SUPT3H: variants seen among roughly 807,000 people sequenced by gnomAD.
SUPT3H encodes the protein SPT3 homolog, SAGA and STAGA complex component, also known as transcription initiation protein SPT3 homolog.
Under a neutral mutation model 44.3 loss-of-function variants are expected in SUPT3H, and 44 were observed. That is an observed-to-expected ratio of 0.99 (90% CI 0.78 to 1.28). The LOEUF is 1.28. Ranked by LOEUF, SUPT3H falls within the 50% of genes most tolerant of loss-of-function variation. SUPT3H has a pLI of 0.00. For synonymous variants in SUPT3H, 124 were observed against 125.6 expected, an observed-to-expected ratio of 0.99 and a Z score of 0.09; for missense variants, 380 against 387.1, an observed-to-expected ratio of 0.98 and a Z score of 0.15.
At chr6:45,012,320 A>T (rs1027979494) in intron 5 of SUPT3H, among the ~76,000 whole-genome samples, 1 of 151,210 alleles carries the variant, frequency 6.6e-6, no homozygotes, top group Admixed American at 6.6e-5. Context: ...GGTGCTCTAC[A>T]TTTCTCTGAA....
chr6:45,178,409 C>A (rs6915829), intron 2 of SUPT3H, among the ~76,000 whole-genome samples: 132,155 of 151,884 alleles, frequency 0.87, 57,747 homozygotes, highest in African/African-American at 0.91. Flanking sequence ...ACCCAGATTC[C>A]TAAAGCAACT....
intron 3 of SUPT3H, among the ~76,000 whole-genome samples, chr6:45,045,769 C>T (rs1248405281): frequency 2.0e-5 from 3 of 152,090 alleles, no homozygotes; most frequent in Non-Finnish European, 2.9e-5. Context: ...GATTCTTTGT[C>T]ACATTATTAC....
chr6:45,230,708 C>G (rs1220478312), intron 2 of SUPT3H, among the ~76,000 whole-genome samples: 1 of 100,924 alleles, frequency 9.9e-6, no homozygotes, highest in Admixed American at 1.0e-4. Context: ...GAGTCTTGCT[C>G]TATCACCAGG....
chr6:44,828,676 G>A lies in SUPT3H; in HGVS notation c.*1140C>T, dbSNP rs1325296910. The A allele has an allele frequency of 6.6e-6, 1 of 152,122 alleles. No homozygotes were observed. The highest frequency in any genetic ancestry group is 2.4e-5 in the African/African-American group (1 of 41,436). The allele number at this position is 152,122 out of a possible 1,614,324, so 9.4% of individuals were successfully genotyped here. On this transcript the variant is annotated 3_prime_UTR_variant, in exon 11 of 11. Transcript: ENST00000371459. ...TTAAATCTAGGAAGCAGTATCAAGA[G>A]AGGCTTGCTCTCTTGAGCAGTATCA...
intron 2 of SUPT3H, among the ~76,000 whole-genome samples, chr6:45,331,833 A>C (rs184546555): frequency 6.6e-6 from 1 of 152,124 alleles, no homozygotes; most frequent in Admixed American, 6.6e-5. Flanking sequence ...TAATTTATTC[A>C]ATTACTCTCT....
At chr6:45,029,003 A>G (rs953829320) in intron 3 of SUPT3H, among the ~76,000 whole-genome samples, 3 of 151,816 alleles carry the variant, frequency 2.0e-5, no homozygotes, top group Admixed American at 6.6e-5. Flanking sequence ...TGAGCTAAGT[A>G]AGTATTTGAA....
chr6:45,250,677 A>G (rs1385456678), intron 2 of SUPT3H, among the ~76,000 whole-genome samples: 2 of 152,154 alleles, frequency 1.3e-5, no homozygotes, highest in African/African-American at 2.4e-5. Flanking sequence ...AAAGATAACT[A>G]TATCTAGCAA....
At chr6:45,302,566 A>C in intron 2 of SUPT3H, among the ~76,000 whole-genome samples, 1 of 126,146 alleles carries the variant, frequency 7.9e-6, no homozygotes, top group African/African-American at 2.9e-5. Flanking sequence ...TGCATGCCAC[A>C]ATTTATTTAT....
chr6:45,346,626 G>C (rs1198137405), intron 2 of SUPT3H, among the ~76,000 whole-genome samples: 1 of 148,888 alleles, frequency 6.7e-6, no homozygotes, highest in Non-Finnish European at 1.5e-5. Flanking sequence ...AAAGTGCAGT[G>C]GTGCGATCTC....
intron 2 of SUPT3H, among the ~76,000 whole-genome samples, chr6:45,154,710 C>T (rs1171654048): frequency 1.3e-5 from 2 of 152,178 alleles, no homozygotes; most frequent in African/African-American, 4.8e-5. Context: ...CTCCTACATC[C>T]TGCCCTGCAC....
chr6:45,128,017 A>C (rs1169935179), intron 2 of SUPT3H, among the ~76,000 whole-genome samples: 1 of 152,116 alleles, frequency 6.6e-6, no homozygotes, highest in Admixed American at 6.6e-5. Context: ...TTCTTGACAG[A>C]CTTTTATCAT....
intron 3 of SUPT3H, among the ~76,000 whole-genome samples, chr6:45,080,014 C>A (rs1410267288): frequency 6.6e-6 from 1 of 152,062 alleles, no homozygotes. Context: ...AAGAGACAAC[C>A]CACAAAATGG....
At position 44,961,904 on chromosome 6, in the gene SUPT3H, T is replaced by G. The variant is rs1776087154; in HGVS notation, c.505-76A>C. ...ATGTTTTCACAGCTTAAACTTAGAA[T>G]TGAAGTACCATTTTCCTTTCCTTAT... On this transcript the variant is annotated intron_variant, in intron 6 of 10. Coordinates refer to ENST00000371459, the MANE Select transcript of SUPT3H (RefSeq NM_003599.4). 3 of 1,127,422 alleles carry G rather than the reference T, an allele frequency of 2.7e-6. No homozygotes were observed. In the South Asian group the frequency reaches 4.3e-5, roughly 16 times the overall value. 69.8% of individuals were successfully genotyped at this position (1,127,422 alleles called of 1,614,324 possible). A position where few individuals can be genotyped will look rare whatever the true frequency, so the allele number is the denominator to read the frequency against.
chr6:45,160,824 A>G (rs535397747), intron 2 of SUPT3H, among the ~76,000 whole-genome samples: 1 of 152,262 alleles, frequency 6.6e-6, no homozygotes, highest in South Asian at 2.1e-4. Context: ...CTCCCCCTAT[A>G]AAATCCTTTA....
chr6:45,330,294 C>T (rs1423119706), intron 2 of SUPT3H, among the ~76,000 whole-genome samples: 1 of 151,846 alleles, frequency 6.6e-6, no homozygotes, highest in Non-Finnish European at 1.5e-5. Flanking sequence ...AGCTAGACTA[C>T]ATTACAACAC....
chr6:44,855,264 G>C (rs1426518489), intron 10 of SUPT3H, among the ~76,000 whole-genome samples: 1 of 152,096 alleles, frequency 6.6e-6, no homozygotes, highest in Admixed American at 6.6e-5. Context: ...CCCATCTCTT[G>C]GGCTGGCCAG....
At chr6:44,914,289 G>T (rs1464338170) in intron 10 of SUPT3H, among the ~76,000 whole-genome samples, 1 of 152,192 alleles carries the variant, frequency 6.6e-6, no homozygotes, top group African/African-American at 2.4e-5. Flanking sequence ...GTTCTTTCTT[G>T]TTGGTTATGT....
Position 44,934,131 on chromosome 6 carries a change from T to G in SUPT3H, c.802-1368A>C, listed in dbSNP as rs149793991. Among the ~76,000 whole-genome samples the G allele has an allele frequency of 4.8e-3, 728 of 152,314 alleles. 9 individuals carry two copies. Among genetic ancestry groups the G allele is most frequent in the African/African-American group, 0.016 (680 of 41,564 alleles). ...TGTTTTTCTGATAATTACTGTATTT[T>G]TTTGATAATTAATACATTTTTTACT... is the stretch of plus-strand genomic sequence containing the variant. On this transcript the variant is annotated intron_variant, in intron 9 of 10. Coordinates refer to ENST00000371459, the MANE Select transcript of SUPT3H (RefSeq NM_003599.4).
At chr6:44,870,585 TGAGA>T (rs1776220354) in intron 10 of SUPT3H, among the ~76,000 whole-genome samples, 1 of 123,712 alleles carries the variant, frequency 8.1e-6, no homozygotes, top group African/African-American at 3.1e-5. Flanking sequence ...GGTGACAGAG[TGAGA>T]CTCTGTCTCA....
Sources: allele counts gnomAD v4.1 joint callset (sites outside exome capture counted in the v4.1 genomes callset), GRCh38; gene constraint gnomAD v4.1.1; transcripts MANE v1.5; gene names NCBI Gene and HGNC (gene_info 2026-07-23, HGNC 2026-07-21).